Variants in PSAT1 observed in about 807,000 individuals in gnomAD.
PSAT1 encodes phosphoserine aminotransferase.
PSAT1 carries 41 observed loss-of-function variants against 40.3 expected under a neutral mutation model. The observed-to-expected ratio is 1.02, with a 90% CI of 0.79 to 1.32. The LOEUF (loss-of-function observed/expected upper bound fraction) is 1.32, where lower values mean the gene tolerates loss of function less well. Among genes scored for constraint, PSAT1 ranks in the 40% most tolerant of loss-of-function variants. The probability of loss-of-function intolerance (pLI) is 0.00; values close to 1 mark genes in which losing one functional copy is unlikely to be tolerated. For missense variants in PSAT1, 406 were observed against 455.8 expected (o/e 0.89, Z 0.99); for synonymous variants, 147 against 170.5 (o/e 0.86, Z 1.07).
At chr9:78,298,103 A>T (rs1828053788) in intron 1 of PSAT1, among the ~76,000 whole-genome samples, 1 of 152,058 alleles carries the variant, frequency 6.6e-6, no homozygotes, top group South Asian at 2.1e-4. Context: ...CCCGGGCCAC[A>T]ATCAGATCTT....
intron 1 of PSAT1, among the ~76,000 whole-genome samples, chr9:78,299,008 C>T (rs1046829813): frequency 3.9e-5 from 6 of 151,970 alleles, no homozygotes; most frequent in East Asian, 1.9e-4. Context: ...GGTGTGGTGG[C>T]GCACGCCTGT....
In PSAT1 at chr9:78,327,913, G is replaced by A. The variant is rs79095858; in HGVS notation, c.870-138G>A. On this transcript the variant is annotated intron_variant, in intron 7 of 8. Coordinates refer to ENST00000376588, the MANE Select transcript of PSAT1 (RefSeq NM_058179.4). ...CTAAGTAAACAATAAATGTGCTGGG[G>A]CAGATTTTTTGTTTTTTGTTTTTTA... 0.095 allele frequency: 81,530 copies of A among 860,406 alleles called. 4,562 individuals carry two copies. Among genetic ancestry groups the A allele is most frequent in the South Asian group, 0.13 (8,586 of 64,494 alleles). The allele number at this position is 860,406 out of a possible 1,614,324, so 53.3% of individuals were successfully genotyped here. A position where few individuals can be genotyped will look rare whatever the true frequency, so the allele number is the denominator to read the frequency against.
intron 6 of PSAT1, among the ~76,000 whole-genome samples, chr9:78,315,956 A>G (rs935028067): frequency 3.0e-4 from 45 of 152,160 alleles, no homozygotes; most frequent in African/African-American, 1.1e-3. Flanking sequence ...GGGATCTTTG[A>G]TTCACACCTC....
intron 7 of PSAT1, among the ~76,000 whole-genome samples, chr9:78,326,147 G>A (rs1047667916): frequency 1.1e-4 from 17 of 152,076 alleles, no homozygotes; most frequent in African/African-American, 3.6e-4. Context: ...TTTGCTTGAA[G>A]CTGTGTACTA....
rs1338851919 is a variant in PSAT1 at position 78,329,417 on chromosome 9, T to C, written c.*331T>C. Reference sequence around the variant, plus strand: ...CTTAATAATGCAAGTTGCGATTAATTATTTCTGGAGTCATGGGAACACACA... The same window carrying C: ...CTTAATAATGCAAGTTGCGATTAATCATTTCTGGAGTCATGGGAACACACA... On this transcript the variant is annotated 3_prime_UTR_variant, in exon 9 of 9. Coordinates refer to ENST00000376588, the MANE Select transcript of PSAT1 (RefSeq NM_058179.4). 2.8e-6 allele frequency: 1 copy of C among 359,040 alleles called. No individual in the cohort carries two copies. The highest frequency in any genetic ancestry group is 2.1e-5 in the African/African-American group (1 of 47,018). The allele number at this position is 359,040 out of a possible 1,614,324, so 22.2% of individuals were successfully genotyped here.
At position 78,306,399 on chromosome 9, in the gene PSAT1, G is replaced by A; in HGVS notation, c.483G>A (p.Glu161=). The A allele has an allele frequency of 1.2e-6, 2 of 1,613,996 alleles. No individual in the cohort carries two copies. The highest frequency in any genetic ancestry group is 1.1e-5 in the South Asian group (1 of 91,072). Residue 161 remains glutamate (E), a synonymous_variant, in exon 5 of 9, where the codon GAG becomes GAA. Coordinates refer to ENST00000376588, the MANE Select transcript of PSAT1 (RefSeq NM_058179.4). ...YCANETVHGV[E]FDFIPDVKGA... is the part of the protein sequence containing the mutation. Reference sequence around the variant, plus strand: ...CAAATGAGACGGTGCATGGTGTGGAGTTTGACTTTATACCCGATGTCAAGG... The same window carrying A: ...CAAATGAGACGGTGCATGGTGTGGAATTTGACTTTATACCCGATGTCAAGG...
chr9:78,317,881 G>A, intron 7 of PSAT1, 77 bp downstream of exon 7: 1 of 1,497,076 alleles, frequency 6.7e-7, no homozygotes, highest in Non-Finnish European at 9.3e-7. Flanking sequence ...CCTTTGAAAA[G>A]TGGACATATT....
chr9:78,312,545 A>C (rs1479361879), intron 6 of PSAT1, among the ~76,000 whole-genome samples: 1 of 151,876 alleles, frequency 6.6e-6, no homozygotes, highest in South Asian at 2.1e-4. Context: ...AAAATACAAA[A>C]ATTAGCCAGG....
chr9:78,304,948 C>T lies in PSAT1; in HGVS notation c.397+8C>T. On this transcript the variant is annotated splice_region_variant and intron_variant, in intron 4 of 8. Coordinates refer to ENST00000376588, the MANE Select transcript of PSAT1 (RefSeq NM_058179.4). ...AACTTGGGAGTTATACAAGTAAGTT[C>T]TGGGAGCTGAGCTGGGTGGTGACGT... 1.2e-6 allele frequency: 2 copies of T among 1,611,992 alleles called. No individual in the cohort carries two copies. The highest frequency in any genetic ancestry group is 1.7e-6 in the Non-Finnish European group (2 of 1,179,794).
In PSAT1 at chr9:78,318,042, C is replaced by T. The variant is rs548267193; in HGVS notation, c.869+238C>T. On this transcript the variant is annotated intron_variant, in intron 7 of 8. Coordinates refer to ENST00000376588, the MANE Select transcript of PSAT1 (RefSeq NM_058179.4). ...TGTCCCAGTGGGTGGTGATGTTTCT[C>T]ACACCAAAGACATCGCCCTGGGGAA... is the stretch of plus-strand genomic sequence containing the variant. 6.5e-4 allele frequency among the ~76,000 whole-genome samples: 99 copies of T among 152,240 alleles called. 1 individual carries two copies. Among genetic ancestry groups the T allele is most frequent in the Admixed American group, 5.4e-3 (82 of 15,292 alleles).
At chr9:78,319,916 CTATT>C (rs563183044) in intron 7 of PSAT1, among the ~76,000 whole-genome samples, 192 of 152,198 alleles carry the variant, frequency 1.3e-3, no homozygotes, top group African/African-American at 4.3e-3. Context: ...TTTAGTCCAC[CTATT>C]TATTCATTCA....
rs369944396 is a variant in PSAT1, at chr9:78,306,383, C to T, written c.467C>T (p.Thr156Met). 5.8e-5 allele frequency: 94 copies of T among 1,613,574 alleles called. No homozygotes were observed. Among genetic ancestry groups the T allele is most frequent in the East Asian group, 2.9e-4 (13 of 44,890 alleles). The part of the protein sequence containing the change: ...ASYVYYCANE[T>M]VHGVEFDFIP... ...TACGTGTATTATTGCGCAAATGAGA[C>T]GGTGCATGGTGTGGAGTTTGACTTT... The change falls in exon 5 of 9, where the codon ACG (threonine) becomes ATG (methionine). Residue 156 changes from threonine (T) to methionine (M), a missense_variant. Thr to Met is a moderately conservative substitution (Grantham distance 81). Coordinates refer to ENST00000376588, the MANE Select transcript of PSAT1 (RefSeq NM_058179.4).
At chr9:78,317,652 A>G in intron 6 of PSAT1, 24 bp from the exon 7 acceptor site, 1 of 1,613,612 alleles carries the variant, frequency 6.2e-7, no homozygotes, top group Non-Finnish European at 8.5e-7. Context: ...AGCTAAACGG[A>G]TTTTTTAAAA....
Position 78,321,208 on chromosome 9 carries a change from G to A in PSAT1, c.869+3404G>A, listed in dbSNP as rs1016509768. ...GACCCAGGACTTCCAGTCCTTTTAA[G>A]AATAAACCTCTTTCTAGGAACTCCC... is the stretch of plus-strand genomic sequence containing the variant. On this transcript the variant is annotated intron_variant, in intron 7 of 8. Coordinates refer to ENST00000376588, the MANE Select transcript of PSAT1 (RefSeq NM_058179.4). 3.3e-5 allele frequency among the ~76,000 whole-genome samples: 5 copies of A among 152,104 alleles called. No homozygotes were observed. In the South Asian group the frequency reaches 1.0e-3, roughly 32 times the overall value.
At chr9:78,320,241 CCAGA>C (rs1377962642) in intron 7 of PSAT1, among the ~76,000 whole-genome samples, 2 of 151,650 alleles carry the variant, frequency 1.3e-5, no homozygotes, top group African/African-American at 2.4e-5. Context: ...ATCCACTCAT[CCAGA>C]CATCCATCTG....
rs1363117745 is a variant in PSAT1 at position 78,310,747 on chromosome 9, A to G, written c.740+2164A>G. Among the ~76,000 whole-genome samples, 3 of 151,978 alleles carry G rather than the reference A, an allele frequency of 2.0e-5. No individual in the cohort carries two copies. The East Asian group carries it at 5.8e-4, about 29-fold the overall frequency. On this transcript the variant is annotated intron_variant, in intron 6 of 8. Coordinates refer to ENST00000376588, the MANE Select transcript of PSAT1 (RefSeq NM_058179.4). ...CTCAGCCTCCCGAGTAGCTGGGAGT[A>G]CAGACGCCTGCCACCATGCCTGGCT...
At chr9:78,313,609 A>G (rs910442788) in intron 6 of PSAT1, among the ~76,000 whole-genome samples, 2 of 152,212 alleles carry the variant, frequency 1.3e-5, no homozygotes, top group Non-Finnish European at 2.9e-5. Flanking sequence ...GCATTCTGCT[A>G]TGTCAGCTCA....
Position 78,299,159 on chromosome 9 carries a change from A to C in PSAT1, c.61-1443A>C, listed in dbSNP as rs909731512. 1.0e-4 allele frequency among the ~76,000 whole-genome samples: 15 copies of C among 150,298 alleles called. No individual in the cohort carries two copies. In the South Asian group the frequency reaches 2.9e-3, roughly 30 times the overall value. The stretch of plus-strand genomic sequence containing the variant: ...TGTCTCTTAACAAAAAAAAAAAAAA[A>C]AAAAAAAAAAAAATTGGTTATGATC... On this transcript the variant is annotated intron_variant, in intron 1 of 8. Transcript: ENST00000376588.
rs571162974 is a variant in PSAT1, at chr9:78,318,658, T to C, written c.869+854T>C. On this transcript the variant is annotated intron_variant, in intron 7 of 8. Transcript: ENST00000376588. Reference sequence around the variant, plus strand: ...ACATGGCCTTCTTTCTGCCGTGTCTTCCCTTCTGTCTCTTAAAAAGAGAGG... The same window carrying C: ...ACATGGCCTTCTTTCTGCCGTGTCTCCCCTTCTGTCTCTTAAAAAGAGAGG... 1.2e-3 allele frequency among the ~76,000 whole-genome samples: 189 copies of C among 152,330 alleles called. 1 individual carries two copies. The highest frequency in any genetic ancestry group is 4.6e-3 in the South Asian group (22 of 4,828).
Sources: gnomAD v4.1 joint callset for allele counts (sites outside exome capture counted in the v4.1 genomes callset) on GRCh38, gnomAD v4.1.1 for gene constraint, MANE v1.5 for transcripts, NCBI Gene and HGNC (gene_info 2026-07-23, HGNC 2026-07-21) for gene names.